The following MPP3 variants were observed in gnomAD, a reference collection of about 807,000 sequenced individuals.
MPP3 encodes MAGUK p55 subfamily member 3.
A neutral mutation model predicts 80.7 loss-of-function variants in MPP3; 48 were observed. The ratio of observed to expected loss-of-function variants is 0.59; its 90% CI spans 0.47 to 0.76. MPP3 has a LOEUF of 0.76. MPP3 is among the 30% of genes least tolerant of loss of function. The pLI is 0.00. For missense variants in MPP3, 620 were observed against 763.0 expected (o/e 0.81, Z 2.21); for synonymous variants, 311 against 297.6 (o/e 1.04, Z -0.46).
Position 43,831,629 on chromosome 17 carries a change from G to A in MPP3, c.74C>T (p.Ser25Phe). The A allele has an allele frequency of 6.2e-7, 1 of 1,613,884 alleles. No homozygotes were observed. The highest frequency in any genetic ancestry group is 8.5e-7 in the Non-Finnish European group (1 of 1,179,844). Reference sequence around the variant, plus strand: ...GAAGCCCATCTCCTCCTTGTGGTTGGAGTCAGGTCTGAGCTGGGAGGTCAG... The same window carrying A: ...GAAGCCCATCTCCTCCTTGTGGTTGAAGTCAGGTCTGAGCTGGGAGGTCAG... ...ALLTSQLRPD[S>F]NHKEEMGFLR... The change falls in exon 4 of 20, where the codon TCC (serine) becomes TTC (phenylalanine). Residue 25 changes from serine (S) to phenylalanine (F), a missense_variant. Transcript: ENST00000398389.
At chr17:43,829,985 G>C (rs2045889155) in intron 6 of MPP3, 42 bp downstream of exon 6, 1 of 1,595,888 alleles carries the variant, frequency 6.3e-7, no homozygotes, top group African/African-American at 1.3e-5. Flanking sequence ...CCCATCCCAG[G>C]AGACCCAGAG....
intron 7 of MPP3, among the ~76,000 whole-genome samples, 158 bp from the exon 8 acceptor site, chr17:43,827,990 T>C (rs932422992): frequency 1.3e-5 from 2 of 151,714 alleles, no homozygotes; most frequent in Non-Finnish European, 2.9e-5. Context: ...AAAACCAACA[T>C]CCCCCATTAA....
Position 43,829,694 on chromosome 17 carries a change from G to A in MPP3, c.401C>T (p.Ser134Leu), listed in dbSNP as rs571771252. 18 of 1,614,080 alleles carry A rather than the reference G, an allele frequency of 1.1e-5. No homozygotes were observed. The highest frequency in any genetic ancestry group is 4.0e-5 in the African/African-American group (3 of 74,996). Residue 134 changes from serine (S) to leucine (L), a missense_variant, in exon 7 of 20, where the codon TCG becomes TTG. Ser to Leu is a moderately radical substitution (Grantham distance 145). Coordinates refer to ENST00000398389, the MANE Select transcript of MPP3 (RefSeq NM_001932.6). Reference protein sequence around the residue: ...DNIDEDFDEESVKIVRLVKNK... With the variant: ...DNIDEDFDEELVKIVRLVKNK... ...CTTCACCAAGCGGACGATCTTCACC[G>A]ATTCCTCATCAAAATCCTCATCGAT...
At chr17:43,831,483 G>A in intron 4 of MPP3, 76 bp downstream of exon 4, 2 of 1,343,326 alleles carry the variant, frequency 1.5e-6, no homozygotes, top group Non-Finnish European at 2.1e-6. Context: ...GAGATGACTA[G>A]GATGACCTCA....
intron 10 of MPP3, 83 bp downstream of exon 10, chr17:43,823,848 G>A: frequency 1.1e-6 from 1 of 943,590 alleles, no homozygotes; most frequent in Non-Finnish European, 1.7e-6. Flanking sequence ...ACTGTTACAA[G>A]AGACTGGACT....
chr17:43,831,538 C>A (rs745490649), intron 4 of MPP3, 21 bp downstream of exon 4: 17 of 1,551,368 alleles, frequency 1.1e-5, no homozygotes, highest in Middle Eastern at 3.4e-4. Context: ...CCCTTCCACG[C>A]AGGATGACGT....
chr17:43,831,892 C>G lies in MPP3; in HGVS notation c.15G>C (p.Ser5=). MPVL[S]EDSGLHETLA... The stretch of plus-strand genomic sequence containing the variant: ...GGGGGAGGTACTTACCAGAGTCCTC[C>G]GATAGCACTGGCATGCTGGCGTTGT... Residue 5 remains serine (S), a synonymous_variant, in exon 3 of 20, where the codon TCG becomes TCC. Transcript: ENST00000398389. 6.2e-7 allele frequency: 1 copy of G among 1,611,498 alleles called. No homozygotes were observed. Among genetic ancestry groups the G allele is most frequent in the Non-Finnish European group, 8.5e-7 (1 of 1,179,240 alleles).
At chr17:43,815,791 GGT>G in intron 14 of MPP3, 1 of 680,476 alleles carries the variant, frequency 1.5e-6, no homozygotes, top group Non-Finnish European at 2.7e-6. Context: ...TTAATGTAGG[GGT>G]GTGTGTGCCT....
intron 19 of MPP3, among the ~76,000 whole-genome samples, chr17:43,807,977 G>GGGC (rs1732356350): frequency 6.6e-6 from 1 of 151,270 alleles, no homozygotes; most frequent in Non-Finnish European, 1.5e-5. Flanking sequence ...ATAAAAGGCT[G>GGGC]GGCACAGTGG....
chr17:43,815,434 A>G (rs549480608), intron 14 of MPP3, among the ~76,000 whole-genome samples: 6 of 152,156 alleles, frequency 3.9e-5, no homozygotes, highest in African/African-American at 1.4e-4. Flanking sequence ...CCCCATCTCT[A>G]CAAAAAAAAT....
rs140486426 is a variant in MPP3, at chr17:43,812,255, G to A, written c.1256-1050C>T. On this transcript the variant is annotated intron_variant, in intron 16 of 19. Transcript: ENST00000398389. ...CACAGTATTTTCCAAAAGATAAAAT[G>A]GGATCTTGAGGCACTGTGTCTTCTG... Among the ~76,000 whole-genome samples the A allele has an allele frequency of 5.3e-3, 813 of 152,284 alleles. 9 individuals carry two copies. Among genetic ancestry groups the A allele is most frequent in the Non-Finnish European group, 6.6e-3 (449 of 68,018 alleles).
intron 19 of MPP3, among the ~76,000 whole-genome samples, chr17:43,807,494 T>A (rs1340011769): frequency 6.6e-6 from 1 of 151,026 alleles, no homozygotes; most frequent in Admixed American, 6.6e-5. Context: ...ATTTTTGTAA[T>A]TTTTTTGTAG....
chr17:43,826,746 C>T (rs2045713491), intron 8 of MPP3, among the ~76,000 whole-genome samples: 1 of 152,130 alleles, frequency 6.6e-6, no homozygotes, highest in African/African-American at 2.4e-5. Flanking sequence ...ATATTCTTAA[C>T]TGTCACAGTC....
In MPP3 at chr17:43,809,024, G is replaced by T; in HGVS notation, c.1513C>A (p.Pro505Thr). 6.2e-7 allele frequency: 1 copy of T among 1,611,006 alleles called. No homozygotes were observed. Among genetic ancestry groups the T allele is most frequent in the Non-Finnish European group, 8.5e-7 (1 of 1,179,268 alleles). ...EFKPYIIFVK[P>T]AIQEKRKTPP... ...GTTTTTCTTTTTTCCTGAATTGCAGGCTTTACAAATATAATATAGGGTTTA... is the reference window on the plus strand; with the variant it reads ...GTTTTTCTTTTTTCCTGAATTGCAGTCTTTACAAATATAATATAGGGTTTA... The change falls in exon 19 of 20, where the codon CCT becomes ACT. Residue 505 changes from proline (P) to threonine (T), a missense_variant. Coordinates refer to ENST00000398389, the MANE Select transcript of MPP3 (RefSeq NM_001932.6).
chr17:43,823,090 A>G (rs1284055071), intron 10 of MPP3, among the ~76,000 whole-genome samples: 3 of 152,082 alleles, frequency 2.0e-5, no homozygotes, highest in Non-Finnish European at 4.4e-5. Context: ...TCCCTTTCCC[A>G]GTCCTGTACT....
In MPP3 at chr17:43,808,347, C is replaced by T. The variant is rs2044708264; in HGVS notation, c.1581+609G>A. ...TTCTGCTAACTGACCCTGTTAAGAA[C>T]CAAAAAAGATGAGTCACCAAGCCCA... On this transcript the variant is annotated intron_variant, in intron 19 of 19. Coordinates refer to ENST00000398389, the MANE Select transcript of MPP3 (RefSeq NM_001932.6). Among the ~76,000 whole-genome samples, 4 of 152,114 alleles carry T rather than the reference C, an allele frequency of 2.6e-5. No homozygotes were observed. In the South Asian group the frequency reaches 8.3e-4, roughly 32 times the overall value.
chr17:43,818,013 TC>T, intron 12 of MPP3, 32 bp downstream of exon 12: 1 of 1,522,684 alleles, frequency 6.6e-7, no homozygotes, highest in Non-Finnish European at 8.9e-7. Flanking sequence ...CCCCGGGCCC[TC>T]CCTGGAGTGC....
chr17:43,808,964 C>T lies in MPP3; in HGVS notation c.1573G>A (p.Ala525Thr). 22 of 1,597,626 alleles carry T rather than the reference C, an allele frequency of 1.4e-5. No individual in the cohort carries two copies. The highest frequency in any genetic ancestry group is 1.9e-5 in the Non-Finnish European group (22 of 1,176,066). ...ATCAACTTTAAACTTACAAATGGGG[C>T]TGCTGTGTCCTCACAAGCTGGGGAC... ...PMSPACEDTAAPFDEQQQEMA... is the reference protein window; with the variant it reads ...PMSPACEDTATPFDEQQQEMA... The change falls in exon 19 of 20, where the codon GCC becomes ACC. Residue 525 changes from alanine to threonine, a missense_variant. Transcript: ENST00000398389.
Position 43,814,391 on chromosome 17 carries a change from G to A in MPP3, c.1010-30C>T, listed in dbSNP as rs1004510059. On this transcript the variant is annotated intron_variant, in intron 14 of 19. Coordinates refer to ENST00000398389, the MANE Select transcript of MPP3 (RefSeq NM_001932.6). ...GGAGGAGGGGCAGAGGGACACCATG[G>A]CATTTGTCCCAGTTGTCCCAGGATC... 22 of 1,567,866 alleles carry A rather than the reference G, an allele frequency of 1.4e-5. No homozygotes were observed. In the South Asian group the frequency reaches 1.5e-4, roughly 11 times the overall value.
Sources: allele counts gnomAD v4.1 joint callset (sites outside exome capture counted in the v4.1 genomes callset), GRCh38; gene constraint gnomAD v4.1.1; transcripts MANE v1.5; gene names NCBI Gene and HGNC (gene_info 2026-07-23, HGNC 2026-07-21).